Variants in TRAF4 observed in about 807,000 individuals in gnomAD.
TRAF4 encodes the protein TNF receptor associated factor 4.
A neutral mutation model predicts 47.3 loss-of-function variants in TRAF4; 9 were observed. The ratio of observed to expected loss-of-function variants is 0.19; its 90% CI spans 0.11 to 0.33. The LOEUF (loss-of-function observed/expected upper bound fraction) is 0.33, where lower values mean the gene tolerates loss of function less well. TRAF4 is among the 10% of genes least tolerant of loss of function. The probability of loss-of-function intolerance (pLI) is 1.00; values close to 1 mark genes in which losing one functional copy is unlikely to be tolerated. For synonymous variants in TRAF4, 236 were observed against 236.9 expected (o/e 1.00, Z 0.04); for missense variants, 448 against 620.3 (o/e 0.72, Z 2.95).
At chr17:28,746,219 C>T (rs891061022) in intron 1 of TRAF4, among the ~76,000 whole-genome samples, 4 of 152,224 alleles carry the variant, frequency 2.6e-5, no homozygotes, top group Non-Finnish European at 5.9e-5. Context: ...CTGACTCAGA[C>T]CTGCCAGGAA....
In TRAF4 at chr17:28,750,462, G is replaced by A. The variant is rs2034585480; in HGVS notation, c.*885G>A. 6.5e-6 allele frequency: 1 copy of A among 152,704 alleles called. No individual in the cohort carries two copies. The highest frequency in any genetic ancestry group is 1.5e-5 in the Non-Finnish European group (1 of 68,372). The allele number at this position is 152,704 out of a possible 1,614,324, so 9.5% of individuals were successfully genotyped here. On this transcript the variant is annotated 3_prime_UTR_variant, in exon 7 of 7. Coordinates refer to ENST00000262395, the MANE Select transcript of TRAF4 (RefSeq NM_004295.4). ...ATTTCATTGAAAAGAACTGTCAAGT[G>A]AAATACTTTTTAGCACAGTAACTGG...
rs531186241 is a variant in TRAF4 at position 28,748,506 on chromosome 17, C to T, written c.625-5C>T. 5.6e-6 allele frequency: 9 copies of T among 1,612,224 alleles called. No individual in the cohort carries two copies. The East Asian group carries it at 1.1e-4, about 20-fold the overall frequency. On this transcript the variant is annotated splice_region_variant and splice_polypyrimidine_tract_variant and intron_variant, in intron 5 of 6. Coordinates refer to ENST00000262395, the MANE Select transcript of TRAF4 (RefSeq NM_004295.4). Reference sequence around the variant, plus strand: ...ACTCCTGCCTCTCTACTTCTGTGGCCCCAGAGCCACCAGTACCAGTGCCCA... The same window carrying T: ...ACTCCTGCCTCTCTACTTCTGTGGCTCCAGAGCCACCAGTACCAGTGCCCA...
intron 1 of TRAF4, chr17:28,744,576 C>G: frequency 3.6e-6 from 1 of 278,476 alleles, no homozygotes; most frequent in Non-Finnish European, 6.9e-6. Flanking sequence ...ACTTTGAATC[C>G]TGGGGGAAGA....
chr17:28,748,413 A>G lies in TRAF4; in HGVS notation c.614A>G (p.Asp205Gly). 6.2e-7 allele frequency: 1 copy of G among 1,605,880 alleles called. No individual in the cohort carries two copies. Among genetic ancestry groups the G allele is most frequent in the Non-Finnish European group, 8.5e-7 (1 of 1,173,514 alleles). Residue 205 changes from aspartate to glycine, a missense_variant, in exon 5 of 7, where the codon GAC becomes GGC. Physicochemically the swap from Asp to Gly is moderately conservative, Grantham distance 94 (BLOSUM62 -1). Coordinates refer to ENST00000262395, the MANE Select transcript of TRAF4 (RefSeq NM_004295.4). Reference protein sequence around the residue: ...CTYCTKEFVFDTIQSHQYQCP... With the variant: ...CTYCTKEFVFGTIQSHQYQCP... ...TACTGCACTAAGGAGTTCGTCTTTG[A>G]CACCATCCAGGTGAGGCCTTCCCTG...
In TRAF4 at chr17:28,747,953, G is replaced by T. The variant is rs145425484; in HGVS notation, c.300+6G>T. ...GGCCACTACGTCATCTACAGGTGAGGCTCTGATGTGAGGGCTGGCACCACC... is the reference window on the plus strand; with the variant it reads ...GGCCACTACGTCATCTACAGGTGAGTCTCTGATGTGAGGGCTGGCACCACC... On this transcript the variant is annotated splice_donor_region_variant and intron_variant, in intron 3 of 6. Transcript: ENST00000262395. 1.4e-3 allele frequency: 2,326 copies of T among 1,614,124 alleles called. 1 individual carries two copies. Among genetic ancestry groups the T allele is most frequent in the Non-Finnish European group, 1.7e-3 (2,010 of 1,180,028 alleles).
chr17:28,748,462 A>ACTG, intron 5 of TRAF4, 39 bp downstream of exon 5: 2 of 1,606,996 alleles, frequency 1.2e-6, no homozygotes, highest in Non-Finnish European at 1.7e-6. Context: ...AGGGTAGGTG[A>ACTG]CAGGTAGTCA....
In TRAF4 at chr17:28,749,911, G is replaced by C. The variant is rs550111144; in HGVS notation, c.*334G>C. 1.4e-6 allele frequency: 1 copy of C among 700,434 alleles called. No individual in the cohort carries two copies. The allele number at this position is 700,434 out of a possible 1,614,324, so 43.4% of individuals were successfully genotyped here. The stretch of plus-strand genomic sequence containing the variant: ...AGGTGCTATGTCCCAAGAGCCATAA[G>C]GGGGTGGGAATTGGGGAGGGAGAAA... On this transcript the variant is annotated 3_prime_UTR_variant, in exon 7 of 7. Transcript: ENST00000262395.
rs1452091195 is a variant in TRAF4 at position 28,749,527 on chromosome 17, G to T, written c.1363G>T (p.Ala455Ser). ...IRKRNYVRDD[A>S]VFIRAAVELP... Reference sequence around the variant, plus strand: ...AAAGCGAAACTATGTGCGGGATGATGCAGTCTTCATCCGTGCTGCTGTTGA... The same window carrying T: ...AAAGCGAAACTATGTGCGGGATGATTCAGTCTTCATCCGTGCTGCTGTTGA... Residue 455 changes from alanine to serine, a missense_variant, in exon 7 of 7, where the codon GCA becomes TCA. Ala to Ser is a moderately conservative substitution (Grantham distance 99). Coordinates refer to ENST00000262395, the MANE Select transcript of TRAF4 (RefSeq NM_004295.4). 6.2e-7 allele frequency: 1 copy of T among 1,613,676 alleles called. No homozygotes were observed. The highest frequency in any genetic ancestry group is 1.3e-5 in the African/African-American group (1 of 74,942).
In TRAF4 at chr17:28,748,270, G is replaced by A; in HGVS notation, c.471G>A (p.Glu157=). The A allele has an allele frequency of 6.2e-7, 1 of 1,613,062 alleles. No homozygotes were observed. The highest frequency in any genetic ancestry group is 8.5e-7 in the Non-Finnish European group (1 of 1,179,240). Residue 157 remains glutamate, a synonymous_variant, in exon 5 of 7, where the codon GAG becomes GAA. Coordinates refer to ENST00000262395, the MANE Select transcript of TRAF4 (RefSeq NM_004295.4). ...ACCTCTGACATTTCCAGAGCCATGA[G>A]GGTATGTGCCCCCAGGAGAGTGTCT... ...DFSGEAYESH[E]GMCPQESVYC... is the part of the protein sequence containing the mutation.
chr17:28,746,498 C>CATTTT (rs2034515021), intron 1 of TRAF4, among the ~76,000 whole-genome samples: 2 of 152,216 alleles, frequency 1.3e-5, no homozygotes, highest in African/African-American at 4.8e-5. Context: ...TTTTCCTTGC[C>CATTTT]CCAGCTTCTC....
intron 1 of TRAF4, among the ~76,000 whole-genome samples, chr17:28,744,546 C>G (rs997610446): frequency 1.3e-5 from 2 of 152,160 alleles, no homozygotes; most frequent in Admixed American, 1.3e-4. Context: ...ACCTGAGAGC[C>G]GGCGCGGCCT....
Position 28,744,121 on chromosome 17 carries a change from C to G in TRAF4, c.9C>G (p.Gly3=), listed in dbSNP as rs1235574186. ...CCGGCCGCTCGCCCGCCATGCCTGG[C>G]TTCGACTACAAGTTCCTGGAGAAGC... MP[G]FDYKFLEKPK... is the part of the protein sequence containing the mutation. The change falls in exon 1 of 7, where the codon GGC becomes GGG. Residue 3 remains glycine (G), a synonymous_variant. Coordinates refer to ENST00000262395, the MANE Select transcript of TRAF4 (RefSeq NM_004295.4). 6.3e-7 allele frequency: 1 copy of G among 1,575,506 alleles called. No individual in the cohort carries two copies. The highest frequency in any genetic ancestry group is 1.7e-5 in the Admixed American group (1 of 58,336).
chr17:28,746,973 G>A lies in TRAF4; in HGVS notation c.144-240G>A, dbSNP rs1597812569. 1.5e-5 allele frequency: 6 copies of A among 409,048 alleles called. No homozygotes were observed. The East Asian group carries it at 2.3e-4, about 15-fold the overall frequency. 25.3% of individuals were successfully genotyped at this position (409,048 alleles called of 1,614,324 possible). On this transcript the variant is annotated intron_variant, in intron 1 of 6. Transcript: ENST00000262395. ...AGCTGCCACCTGTTGGCCAAGTCCT[G>A]ACTGAGGCAGCTGTCTGTGCCTCCT...
At position 28,744,082 on chromosome 17, in the gene TRAF4, C is replaced by T. The variant is rs751752194; in HGVS notation, c.-31C>T. The stretch of plus-strand genomic sequence containing the variant: ...GCTGTGGGGCCGCCGCGTGCCTGGC[C>T]CCGCTCGCCCGTGCCGGCCGCTCGC... On this transcript the variant is annotated 5_prime_UTR_variant, in exon 1 of 7. Transcript: ENST00000262395. 2.7e-6 allele frequency: 4 copies of T among 1,458,954 alleles called. No homozygotes were observed. The highest frequency in any genetic ancestry group is 1.8e-6 in the Non-Finnish European group (2 of 1,104,782). 90.4% of individuals were successfully genotyped at this position (1,458,954 alleles called of 1,614,324 possible).
rs925010597 is a variant in TRAF4, at chr17:28,750,698, C to T, written c.*1121C>T. 6.6e-6 allele frequency: 1 copy of T among 152,182 alleles called. No homozygotes were observed. The highest frequency in any genetic ancestry group is 1.5e-5 in the Non-Finnish European group (1 of 68,032). The allele number at this position is 152,182 out of a possible 1,614,324, so 9.4% of individuals were successfully genotyped here. A position where few individuals can be genotyped will look rare whatever the true frequency, so the allele number is the denominator to read the frequency against. The stretch of plus-strand genomic sequence containing the variant: ...GGCCTCAGTGGGTGCATGTGATTAT[C>T]CACGTTTCACCTATGAAACATGAAC... On this transcript the variant is annotated 3_prime_UTR_variant, in exon 7 of 7. Transcript: ENST00000262395.
Position 28,748,010 on chromosome 17 carries a change from C to T in TRAF4, c.301-7C>T, listed in dbSNP as rs768403273. The T allele has an allele frequency of 1.9e-6, 3 of 1,614,144 alleles. No individual in the cohort carries two copies. The highest frequency in any genetic ancestry group is 2.5e-6 in the Non-Finnish European group (3 of 1,180,032). The stretch of plus-strand genomic sequence containing the variant: ...TTGGCAGGCACTAATTGCAGCCTTC[C>T]CACCAGGGCCACCTGAATACCTGCA... On this transcript the variant is annotated splice_polypyrimidine_tract_variant and splice_region_variant and intron_variant, in intron 3 of 6. Coordinates refer to ENST00000262395, the MANE Select transcript of TRAF4 (RefSeq NM_004295.4).
chr17:28,748,907 C>G (rs759657850), intron 6 of TRAF4, 38 bp from the exon 7 acceptor site: 48 of 1,578,362 alleles, frequency 3.0e-5, no homozygotes, highest in Admixed American at 5.2e-5. Context: ...ACTGATAACT[C>G]TCCTCCCTTC....
chr17:28,750,353 G>GAT lies in TRAF4; in HGVS notation c.*777_*778dup, dbSNP rs1182751711. 1.2e-5 allele frequency: 2 copies of GAT among 165,842 alleles called. No individual in the cohort carries two copies. The highest frequency in any genetic ancestry group is 4.8e-5 in the African/African-American group (2 of 41,802). The allele number at this position is 165,842 out of a possible 1,614,324, so 10.3% of individuals were successfully genotyped here. A position where few individuals can be genotyped will look rare whatever the true frequency, so the allele number is the denominator to read the frequency against. ...CTGGAGTCCCTGGTCAGCCCCACCA[G>GAT]ATTAGTGCTTCTACCCTAGGCAGGG... On this transcript the variant is annotated 3_prime_UTR_variant, in exon 7 of 7. Transcript: ENST00000262395.
chr17:28,748,799 C>T, intron 6 of TRAF4, 133 bp downstream of exon 6: 2 of 1,484,806 alleles, frequency 1.3e-6, no homozygotes, highest in Admixed American at 2.2e-5. Context: ...CCTCTGCTGC[C>T]AGCTCCAGCC....
Sources: gnomAD v4.1 joint callset for allele counts (sites outside exome capture counted in the v4.1 genomes callset) on GRCh38, gnomAD v4.1.1 for gene constraint, MANE v1.5 for transcripts, NCBI Gene and HGNC (gene_info 2026-07-23, HGNC 2026-07-21) for gene names.